The following TYW1B variants were observed in gnomAD, a reference collection of about 807,000 sequenced individuals.
TYW1B encodes tRNA-yW synthesizing protein 1 homolog B.
A neutral mutation model predicts 86.9 loss-of-function variants in TYW1B; 73 were observed. That is an observed-to-expected ratio of 0.84 (90% CI 0.70 to 1.02). The LOEUF (loss-of-function observed/expected upper bound fraction) is 1.02. TYW1B is among the 50% of genes least tolerant of loss of function. The probability of loss-of-function intolerance (pLI) is 0.00; values close to 1 mark genes in which losing one functional copy is unlikely to be tolerated. For missense variants in TYW1B, 637 were observed against 827.4 expected (o/e 0.77, Z 2.82); for synonymous variants, 248 against 292.8 (o/e 0.85, Z 1.56).
chr7:72,581,480 C>A (rs190634394), intron 13 of TYW1B, among the ~76,000 whole-genome samples: 2 of 152,112 alleles, frequency 1.3e-5, no homozygotes. Flanking sequence ...ATTTTTGAGA[C>A]GGAGTCATGC....
chr7:72,797,151 A>G (rs1467253153), intron 6 of TYW1B, among the ~76,000 whole-genome samples: 6 of 152,158 alleles, frequency 3.9e-5, no homozygotes, highest in African/African-American at 1.4e-4. Context: ...CACAGCTTCA[A>G]AAAACCTTGG....
At chr7:72,760,999 T>G (rs1345257423) in intron 7 of TYW1B, among the ~76,000 whole-genome samples, 1 of 152,210 alleles carries the variant, frequency 6.6e-6, no homozygotes, top group Non-Finnish European at 1.5e-5. Context: ...GAGAAATAAC[T>G]TGAAATGACA....
chr7:72,786,956 C>CA (rs1383675897), intron 6 of TYW1B, among the ~76,000 whole-genome samples: 1 of 151,890 alleles, frequency 6.6e-6, no homozygotes, highest in African/African-American at 2.4e-5. Context: ...CATTTTCAGA[C>CA]AATTTCACCA....
intron 10 of TYW1B, among the ~76,000 whole-genome samples, chr7:72,698,432 G>T (rs1554451879): frequency 6.6e-6 from 1 of 152,076 alleles, no homozygotes; most frequent in East Asian, 1.9e-4. Flanking sequence ...ATCACCTGAG[G>T]TCAGGAGTTC....
intron 3 of TYW1B, among the ~76,000 whole-genome samples, chr7:72,815,046 G>C (rs1239835050): frequency 6.8e-6 from 1 of 146,952 alleles, no homozygotes; most frequent in Non-Finnish European, 1.5e-5. Context: ...TCCAGCCTGG[G>C]TGACACAGTG....
chr7:72,624,758 A>G (rs1457539652), intron 12 of TYW1B, among the ~76,000 whole-genome samples: 3 of 152,208 alleles, frequency 2.0e-5, no homozygotes, highest in African/African-American at 7.2e-5. Context: ...ATATTTTATC[A>G]TCAAAATATT....
At chr7:72,782,378 T>G (rs1169765844) in intron 6 of TYW1B, among the ~76,000 whole-genome samples, 1 of 152,198 alleles carries the variant, frequency 6.6e-6, no homozygotes, top group African/African-American at 2.4e-5. Context: ...CATCCAATTT[T>G]GCCTAGGATA....
intron 5 of TYW1B, among the ~76,000 whole-genome samples, chr7:72,804,748 G>A (rs1788464558): frequency 6.6e-6 from 1 of 152,104 alleles, no homozygotes; most frequent in African/African-American, 2.4e-5. Flanking sequence ...GCTGAGATAG[G>A]AGGATCACTT....
At chr7:72,776,556 CAAAAAAAAAA>C (rs67553013) in intron 7 of TYW1B, among the ~76,000 whole-genome samples, 15 of 45,248 alleles carry the variant, frequency 3.3e-4, no homozygotes, top group African/African-American at 9.4e-4. Flanking sequence ...GACTCTGTCT[CAAAAAAAAAA>C]AAAAAAAAAA....
chr7:72,771,980 GGGACTACAGTTGT>G (rs1787876668), intron 7 of TYW1B, among the ~76,000 whole-genome samples: 1 of 151,326 alleles, frequency 6.6e-6, no homozygotes, highest in Non-Finnish European at 1.5e-5. Flanking sequence ...CCACGTAATT[GGGACTACAGTTGT>G]GCTTCACCCT....
At chr7:72,765,924 T>C (rs782073475) in intron 7 of TYW1B, among the ~76,000 whole-genome samples, 3 of 152,190 alleles carry the variant, frequency 2.0e-5, no homozygotes, top group East Asian at 1.9e-4. Flanking sequence ...CTCCAAGAGG[T>C]TGGAATAAGA....
At chr7:72,603,089 A>G (rs552063612) in intron 13 of TYW1B, among the ~76,000 whole-genome samples, 13 of 147,214 alleles carry the variant, frequency 8.8e-5, no homozygotes, top group Non-Finnish European at 1.8e-4. Context: ...ACAGACAGAC[A>G]GATGATGGAT....
chr7:72,651,729 A>C (rs1554442840), intron 11 of TYW1B, among the ~76,000 whole-genome samples: 1 of 152,218 alleles, frequency 6.6e-6, no homozygotes, highest in African/African-American at 2.4e-5. Context: ...CAAGTCATAA[A>C]AAATCACAAA....
At position 72,796,813 on chromosome 7, in the gene TYW1B, C is replaced by G. The variant is rs773724894; in HGVS notation, c.846+5587G>C. On this transcript the variant is annotated intron_variant, in intron 6 of 13. Transcript: ENST00000620995. ...TGAGTGCTTAGTACATTGATTATTT[C>G]TGGGTCTGCGGCACAATAAAGAATA... 2.6e-5 allele frequency among the ~76,000 whole-genome samples: 4 copies of G among 151,236 alleles called. No individual in the cohort carries two copies. In the Admixed American group the frequency reaches 2.7e-4, roughly 10 times the overall value.
chr7:72,646,438 C>G (rs1812933165), intron 11 of TYW1B, among the ~76,000 whole-genome samples: 1 of 152,118 alleles, frequency 6.6e-6, no homozygotes, highest in East Asian at 1.9e-4. Context: ...GTGGCACGAT[C>G]TTGGCTCACT....
chr7:72,713,166 T>C lies in TYW1B; in HGVS notation c.1370+455A>G, dbSNP rs369226664. 7.8e-4 allele frequency among the ~76,000 whole-genome samples: 118 copies of C among 151,202 alleles called. 1 individual carries two copies. Among genetic ancestry groups the C allele is most frequent in the African/African-American group, 2.6e-3 (106 of 41,250 alleles). Reference sequence around the variant, plus strand: ...AAAAAAAAAAATTAGCTGGGCATGGTGCCAGGCACCTGTAGACCCAGCTAC... The same window carrying C: ...AAAAAAAAAAATTAGCTGGGCATGGCGCCAGGCACCTGTAGACCCAGCTAC... On this transcript the variant is annotated intron_variant, in intron 10 of 13. Transcript: ENST00000620995.
chr7:72,647,961 C>T lies in TYW1B; in HGVS notation c.1507-18964G>A, dbSNP rs181580171. ...TCGGCCTCCCAAAATGCTGGGATTA[C>T]AGGCCTTAGCTACAACACCTGGCTG... is the stretch of plus-strand genomic sequence containing the variant. On this transcript the variant is annotated intron_variant, in intron 11 of 13. Transcript: ENST00000620995. Among the ~76,000 whole-genome samples the T allele has an allele frequency of 2.2e-3, 329 of 152,268 alleles. 2 individuals carry two copies. The highest frequency in any genetic ancestry group is 7.5e-3 in the African/African-American group (312 of 41,560).
chr7:72,629,062 T>C (rs1286261561), intron 11 of TYW1B, 65 bp from the exon 12 acceptor site: 2 of 1,481,606 alleles, frequency 1.3e-6, no homozygotes, highest in South Asian at 2.6e-5. Context: ...ACCTAGAGGG[T>C]TTCTCAAGCT....
intron 7 of TYW1B, among the ~76,000 whole-genome samples, chr7:72,760,453 A>G (rs1554466988): frequency 6.6e-6 from 1 of 152,238 alleles, no homozygotes; most frequent in Admixed American, 6.5e-5. Context: ...GTGAGTTTGT[A>G]TTATAATCTC....
Sources: allele counts gnomAD v4.1 joint callset (sites outside exome capture counted in the v4.1 genomes callset), GRCh38; gene constraint gnomAD v4.1.1; transcripts MANE v1.5; gene names NCBI Gene and HGNC (gene_info 2026-07-23, HGNC 2026-07-21).